CFAP74: variants seen among roughly 807,000 people sequenced by gnomAD.
CFAP74 encodes the protein cilia and flagella associated protein 74.
CFAP74 carries 124 observed loss-of-function variants against 188.9 expected under a neutral mutation model. The observed-to-expected ratio is 0.66, with a 90% CI of 0.57 to 0.76. The LOEUF (loss-of-function observed/expected upper bound fraction) is 0.76. Ranked by LOEUF, CFAP74 falls within the 30% of genes least tolerant of loss-of-function variation. The pLI is 0.00. For missense variants in CFAP74, 2,198 were observed against 2,165.2 expected (o/e 1.02, Z -0.30); for synonymous variants, 956 against 916.7 (o/e 1.04, Z -0.77).
intron 38 of CFAP74, 74 bp from the exon 39 acceptor site, chr1:1,922,462 G>T: frequency 6.5e-7 from 1 of 1,540,558 alleles, no homozygotes; most frequent in Non-Finnish European, 8.8e-7. Flanking sequence ...TCTTCCCACT[G>T]CCCTGCCCAC....
chr1:1,939,420 G>A (rs534081314), intron 24 of CFAP74, among the ~76,000 whole-genome samples, 174 bp downstream of exon 24: 14 of 152,310 alleles, frequency 9.2e-5, no homozygotes, highest in South Asian at 4.1e-4. Flanking sequence ...TGGGCTGCAC[G>A]CCCAGGGCTG....
chr1:1,930,435 G>A, intron 25 of CFAP74, 99 bp from the exon 26 acceptor site: 1 of 1,224,752 alleles, frequency 8.2e-7, no homozygotes, highest in Non-Finnish European at 1.1e-6. Context: ...GCCCCGGGGG[G>A]GGCTCACAGG....
At chr1:1,966,850 T>C (rs1655509012) in intron 11 of CFAP74, among the ~76,000 whole-genome samples, 1 of 151,850 alleles carries the variant, frequency 6.6e-6, no homozygotes, top group Non-Finnish European at 1.5e-5. Context: ...TTTTTTTTTT[T>C]TTTTGAGACG....
intron 1 of CFAP74, among the ~76,000 whole-genome samples, chr1:2,002,618 C>T (rs1272239705): frequency 4.0e-5 from 6 of 150,522 alleles, no homozygotes; most frequent in Non-Finnish European, 7.4e-5. Context: ...TGCAGTGAGC[C>T]GAGATCGCCC....
intron 25 of CFAP74, among the ~76,000 whole-genome samples, chr1:1,938,165 T>A (rs1399242394): frequency 3.2e-5 from 4 of 126,788 alleles, no homozygotes; most frequent in African/African-American, 1.3e-4. Flanking sequence ...ACACTCAACC[T>A]TACACACCCA....
chr1:1,971,373 T>TGCA lies in CFAP74; in HGVS notation c.889-558_889-557insTGC, dbSNP rs1558043399. 2.7e-3 allele frequency among the ~76,000 whole-genome samples: 381 copies of TGCA among 141,838 alleles called. 1 individual carries two copies. Among genetic ancestry groups the TGCA allele is most frequent in the African/African-American group, 9.4e-3 (351 of 37,348 alleles). 93.1% of individuals were successfully genotyped at this position (141,838 alleles called of 152,430 possible). ...CACATGCACACCTGCACACACACGG[T>TGCA]CACACATGCACACACGTGCACACAC... On this transcript the variant is annotated intron_variant, in intron 9 of 38. Coordinates refer to ENST00000682832, the MANE Select transcript of CFAP74 (RefSeq NM_001304360.2).
intron 17 of CFAP74, 24 bp from the exon 18 acceptor site, chr1:1,955,874 G>T: frequency 6.3e-7 from 1 of 1,593,456 alleles, no homozygotes; most frequent in Non-Finnish European, 8.5e-7. Flanking sequence ...TCAACATCCT[G>T]GCTTGGGAGG....
At chr1:1,938,764 C>G in intron 25 of CFAP74, 91 bp downstream of exon 25, 1 of 1,418,772 alleles carries the variant, frequency 7.0e-7, no homozygotes, top group Non-Finnish European at 9.5e-7. Context: ...CAGATGGGGT[C>G]AGGGGCGGGG....
At chr1:1,955,496 T>G (rs1405240636) in intron 18 of CFAP74, 195 bp downstream of exon 18, 1 of 1,602,156 alleles carries the variant, frequency 6.2e-7, no homozygotes, top group East Asian at 2.3e-5. Context: ...AACGTGAATG[T>G]ACATTTTCGT....
chr1:1,949,161 CCCTCCTTT>C (rs1431403270), intron 18 of CFAP74, among the ~76,000 whole-genome samples: 3 of 123,780 alleles, frequency 2.4e-5, no homozygotes, highest in Middle Eastern at 3.5e-3. Flanking sequence ...TCCCCTCCCT[CCCTCCTTT>C]CCTTCTTTCG....
intron 23 of CFAP74, among the ~76,000 whole-genome samples, 161 bp downstream of exon 23, chr1:1,940,155 C>T (rs1449732778): frequency 6.6e-6 from 1 of 152,240 alleles, no homozygotes; most frequent in Non-Finnish European, 1.5e-5. Context: ...CATGAGCACC[C>T]TCCCAGCAGG....
In CFAP74 at chr1:1,926,232, A is replaced by T; in HGVS notation, c.3944T>A (p.Ile1315Asn). 1 of 1,506,838 alleles carries T rather than the reference A, an allele frequency of 6.6e-7. No individual in the cohort carries two copies. The highest frequency in any genetic ancestry group is 8.9e-7 in the Non-Finnish European group (1 of 1,123,884). 93.3% of individuals were successfully genotyped at this position (1,506,838 alleles called of 1,614,324 possible). A position where few individuals can be genotyped will look rare whatever the true frequency, so the allele number is the denominator to read the frequency against. The change falls in exon 32 of 39, where the codon ATC (isoleucine) becomes AAC (asparagine). Residue 1315 changes from isoleucine (I) to asparagine (N), a missense_variant. Ile to Asn is a moderately radical substitution (Grantham distance 149). Coordinates refer to ENST00000682832, the MANE Select transcript of CFAP74 (RefSeq NM_001304360.2). ...CAGGGTGGGCCTGGGACTCACCAGG[A>T]TGCTCTCGTGGGGAGAGAAGGAAAG... ...LVLSFSPHES[I>N]LAQETLDIIT... is the part of the protein sequence containing the mutation.
At chr1:1,952,612 AAGAC>A (rs990840513) in intron 18 of CFAP74, among the ~76,000 whole-genome samples, 1 of 151,840 alleles carries the variant, frequency 6.6e-6, no homozygotes, top group African/African-American at 2.4e-5. Context: ...GAAAGAAAGA[AAGAC>A]AGACCTAGTT....
At chr1:1,956,337 C>T (rs1020903277) in intron 17 of CFAP74, among the ~76,000 whole-genome samples, 1 of 152,188 alleles carries the variant, frequency 6.6e-6, no homozygotes, top group Non-Finnish European at 1.5e-5. Flanking sequence ...GGCTGGGTCT[C>T]CTGGGGCCCT....
intron 25 of CFAP74, among the ~76,000 whole-genome samples, chr1:1,933,460 G>A (rs539210878): frequency 1.3e-5 from 2 of 152,298 alleles, no homozygotes; most frequent in East Asian, 1.9e-4. Flanking sequence ...GATTACAGGC[G>A]TGAGCCACCG....
At chr1:1,946,031 T>C (rs1298675541) in intron 20 of CFAP74, among the ~76,000 whole-genome samples, 1 of 151,240 alleles carries the variant, frequency 6.6e-6, no homozygotes, top group East Asian at 2.0e-4. Flanking sequence ...CGTGTGTACG[T>C]GTGTGTGGGC....
At chr1:1,963,994 C>T (rs1313730030) in intron 13 of CFAP74, 127 bp from the exon 14 acceptor site, 1 of 704,198 alleles carries the variant, frequency 1.4e-6, no homozygotes, top group Non-Finnish European at 2.5e-6. Flanking sequence ...TCCCAGGGAA[C>T]AATTTCCAAG....
intron 11 of CFAP74, among the ~76,000 whole-genome samples, chr1:1,967,235 G>A (rs1570934663): frequency 6.6e-6 from 1 of 152,186 alleles, no homozygotes; most frequent in African/African-American, 2.4e-5. Flanking sequence ...GTTTGGGGAC[G>A]GAGCCTTGCC....
At position 1,956,703 on chromosome 1, in the gene CFAP74, C is replaced by T. The variant is rs779154842; in HGVS notation, c.1933G>A (p.Val645Ile). The T allele has an allele frequency of 7.4e-6, 12 of 1,613,970 alleles. No individual in the cohort carries two copies. Among genetic ancestry groups the T allele is most frequent in the South Asian group, 2.2e-5 (2 of 91,068 alleles). ...TTGAAAGTCGTGCCCAAGCCCCCAA[C>T]GTTGGTCAGCGTGATGGTCCGAGAC... ...TTSRTITLTN[V>I]GGLGTTFKFL... is the part of the protein sequence containing the mutation. Residue 645 changes from valine (V) to isoleucine (I), a missense_variant, in exon 17 of 39, where the codon GTT (valine) becomes ATT (isoleucine). Val to Ile is a conservative substitution (Grantham distance 29, BLOSUM62 3). Transcript: ENST00000682832.
Sources: allele counts gnomAD v4.1 joint callset (sites outside exome capture counted in the v4.1 genomes callset), GRCh38; gene constraint gnomAD v4.1.1; transcripts MANE v1.5; gene names NCBI Gene and HGNC (gene_info 2026-07-23, HGNC 2026-07-21).